SPTBN1: variants seen among roughly 807,000 people sequenced by gnomAD.
SPTBN1 encodes spectrin beta, non-erythrocytic 1.
In SPTBN1, 32 loss-of-function variants were observed where a neutral mutation model predicts 266.4. The observed-to-expected ratio is 0.12, with a 90% CI of 0.09 to 0.16. SPTBN1 has a LOEUF of 0.16. SPTBN1 is among the 10% of genes least tolerant of loss of function. The probability of loss-of-function intolerance (pLI) is 1.00; values close to 1 mark genes in which losing one functional copy is unlikely to be tolerated. For synonymous variants in SPTBN1, 1,336 were observed against 1,162.2 expected, an observed-to-expected ratio of 1.15 and a Z score of -3.04; for missense variants, 2,296 against 3,067.1, an observed-to-expected ratio of 0.75 and a Z score of 5.94.
At chr2:54,604,570 C>T (rs1191486275) in intron 3 of SPTBN1, among the ~76,000 whole-genome samples, 2 of 152,122 alleles carry the variant, frequency 1.3e-5, no homozygotes, top group African/African-American at 4.8e-5. Context: ...GAAGGAATTG[C>T]CCAAGGCCAT....
chr2:54,586,116 C>T (rs571692026), intron 2 of SPTBN1, among the ~76,000 whole-genome samples: 1 of 152,126 alleles, frequency 6.6e-6, no homozygotes, highest in Non-Finnish European at 1.5e-5. Context: ...CACAGTTGTT[C>T]GTGACTTCTG....
intron 1 of SPTBN1, among the ~76,000 whole-genome samples, chr2:54,495,555 A>G (rs373265936): frequency 6.6e-6 from 1 of 152,226 alleles, no homozygotes; most frequent in Non-Finnish European, 1.5e-5. Flanking sequence ...TAAGAAAAAT[A>G]AGAAAATTTA....
At chr2:54,579,092 A>G (rs1049050715) in intron 2 of SPTBN1, among the ~76,000 whole-genome samples, 4 of 152,204 alleles carry the variant, frequency 2.6e-5, no homozygotes, top group Non-Finnish European at 4.4e-5. Context: ...CAAAACTACA[A>G]TTACTTCTGC....
chr2:54,581,795 A>G (rs1212757744), intron 2 of SPTBN1, among the ~76,000 whole-genome samples: 1 of 152,150 alleles, frequency 6.6e-6, no homozygotes, highest in Admixed American at 6.5e-5. Flanking sequence ...ATCTGTCTGT[A>G]GGAACTGCCT....
intron 2 of SPTBN1, among the ~76,000 whole-genome samples, chr2:54,566,088 C>G (rs982232438): frequency 6.6e-6 from 1 of 152,056 alleles, no homozygotes; most frequent in African/African-American, 2.4e-5. Flanking sequence ...TGCCTTTTCT[C>G]TCTTGACAAC....
chr2:54,518,485 T>C (rs1412010708), intron 1 of SPTBN1, among the ~76,000 whole-genome samples: 1 of 151,580 alleles, frequency 6.6e-6, no homozygotes, highest in Non-Finnish European at 1.5e-5. Context: ...AGTGGTTTCT[T>C]GTAGATACTC....
At chr2:54,640,145 T>G (rs1019104261) in intron 18 of SPTBN1, among the ~76,000 whole-genome samples, 1 of 152,186 alleles carries the variant, frequency 6.6e-6, no homozygotes, top group African/African-American at 2.4e-5. Flanking sequence ...TCATTCAGCC[T>G]TATTAAAATA....
At chr2:54,582,873 T>C (rs1219330685) in intron 2 of SPTBN1, among the ~76,000 whole-genome samples, 1 of 152,180 alleles carries the variant, frequency 6.6e-6, no homozygotes, top group East Asian at 1.9e-4. Context: ...TGAATTTTTC[T>C]AGGCTTGAAT....
chr2:54,659,128 C>G, intron 30 of SPTBN1, 26 bp from the exon 31 acceptor site: 1 of 1,612,112 alleles, frequency 6.2e-7, no homozygotes, highest in Non-Finnish European at 8.5e-7. Context: ...TGGGACTCTA[C>G]CAAACATCAC....
intron 32 of SPTBN1, chr2:54,660,365 G>A: frequency 3.4e-6 from 4 of 1,191,832 alleles, no homozygotes; most frequent in Non-Finnish European, 4.2e-6. Context: ...GAAATTAAAT[G>A]AGATTACAGC....
At position 54,533,774 on chromosome 2, in the gene SPTBN1, C is replaced by A. The variant is rs994353802; in HGVS notation, c.148+7208C>A. On this transcript the variant is annotated intron_variant, in intron 2 of 35. Coordinates refer to ENST00000356805, the MANE Select transcript of SPTBN1 (RefSeq NM_003128.3). The surrounding 1 kb of genome is among the most constrained non-coding windows in gnomAD (Gnocchi z 4.2). ...CCATGTTGGCCAGGCTGGTCTCGAA[C>A]TCCTGACCCCAGGTGATCCGCCCGC... Among the ~76,000 whole-genome samples, 2 of 152,200 alleles carry A rather than the reference C, an allele frequency of 1.3e-5. No individual in the cohort carries two copies. The highest frequency in any genetic ancestry group is 4.8e-5 in the African/African-American group (2 of 41,436).
At chr2:54,661,068 T>C (rs750977771) in intron 32 of SPTBN1, 6 of 985,452 alleles carry the variant, frequency 6.1e-6, no homozygotes, top group Non-Finnish European at 7.2e-6. Context: ...TCAGAAGTCA[T>C]GTCAGTGTCT....
chr2:54,632,277 C>A (rs960682415), intron 16 of SPTBN1, among the ~76,000 whole-genome samples: 9 of 152,026 alleles, frequency 5.9e-5, no homozygotes, highest in Admixed American at 1.3e-4. Context: ...ATTGCTGTTG[C>A]CTTGATAGGC....
intron 1 of SPTBN1, among the ~76,000 whole-genome samples, chr2:54,493,710 A>G (rs911581339): frequency 6.6e-6 from 1 of 152,128 alleles, no homozygotes; most frequent in Non-Finnish European, 1.5e-5. Context: ...CCTTATTTTT[A>G]TGTGTTCTGA....
intron 1 of SPTBN1, among the ~76,000 whole-genome samples, chr2:54,511,320 C>T (rs893382936): frequency 1.3e-5 from 2 of 152,124 alleles, no homozygotes; most frequent in Non-Finnish European, 2.9e-5. Context: ...ATGTGCAGGC[C>T]TCTAATGGAT....
chr2:54,619,317 C>T (rs1416033826), intron 7 of SPTBN1, among the ~76,000 whole-genome samples: 1 of 152,206 alleles, frequency 6.6e-6, no homozygotes, highest in Non-Finnish European at 1.5e-5. Context: ...AACTAAAATT[C>T]CTTGGGCTTC....
rs537263752 is a variant in SPTBN1, at chr2:54,486,296, A to C, written c.-48+29778A>C. The stretch of plus-strand genomic sequence containing the variant: ...AATAGAAAGGGGGGAAAGGTGGGGA[A>C]AAGACTGAGAAATCGGATGGTTGCC... On this transcript the variant is annotated intron_variant, in intron 1 of 35. Transcript: ENST00000356805. Among the ~76,000 whole-genome samples, 138 of 152,196 alleles carry C rather than the reference A, an allele frequency of 9.1e-4. 1 individual carries two copies. The highest frequency in any genetic ancestry group is 3.1e-3 in the African/African-American group (130 of 41,520).
At position 54,655,901 on chromosome 2, in the gene SPTBN1, C is replaced by T. The variant is rs374116312; in HGVS notation, c.5962-13C>T. 1.9e-6 allele frequency: 3 copies of T among 1,609,076 alleles called. No individual in the cohort carries two copies. Among genetic ancestry groups the T allele is most frequent in the East Asian group, 2.2e-5 (1 of 44,714 alleles). ...TCCATTAAGATGTCCCGGGGATCCT[C>T]TTTTTCATACAGATCAAGGAAAAAT... On this transcript the variant is annotated splice_polypyrimidine_tract_variant and intron_variant, in intron 28 of 35. Coordinates refer to ENST00000356805, the MANE Select transcript of SPTBN1 (RefSeq NM_003128.3).
At chr2:54,612,116 A>G in intron 3 of SPTBN1, 45 bp from the exon 4 acceptor site, 1 of 1,529,380 alleles carries the variant, frequency 6.5e-7, no homozygotes, top group Non-Finnish European at 8.8e-7. Flanking sequence ...GTTCATCTCT[A>G]CTCTGTTGGG....
Sources: gnomAD v4.1 joint callset for allele counts (sites outside exome capture counted in the v4.1 genomes callset) on GRCh38, gnomAD v4.1.1 for gene constraint, Gnocchi (gnomAD v3.1) non-coding constraint, MANE v1.5 for transcripts, NCBI Gene and HGNC (gene_info 2026-07-23, HGNC 2026-07-21) for gene names.